Variants in UBR4 observed in about 807,000 individuals in gnomAD.
UBR4 encodes the protein ubiquitin protein ligase E3 component n-recognin 4.
Under a neutral mutation model 575.6 loss-of-function variants are expected in UBR4, and 124 were observed. The ratio of observed to expected loss-of-function variants is 0.22; its 90% CI spans 0.19 to 0.25. The LOEUF (loss-of-function observed/expected upper bound fraction) is 0.25, where lower values mean the gene tolerates loss of function less well. Among genes scored for constraint, UBR4 ranks in the 10% least tolerant of loss-of-function variants. The pLI is 1.00. For synonymous variants in UBR4, 2,455 were observed against 2,473.7 expected (o/e 0.99, Z 0.22); for missense variants, 4,818 against 6,478.8 (o/e 0.74, Z 8.80).
chr1:19,182,362 A>G (rs1006701729), intron 17 of UBR4, among the ~76,000 whole-genome samples: 3 of 150,384 alleles, frequency 2.0e-5, no homozygotes, highest in Non-Finnish European at 4.4e-5. Flanking sequence ...TTTTTGGCAG[A>G]TGGGGATCTT....
rs1157403872 is a variant in UBR4, at chr1:19,122,826, C to T, written c.9816+7G>A. 2.5e-6 allele frequency: 4 copies of T among 1,614,092 alleles called. No individual in the cohort carries two copies. The Admixed American group carries it at 5.0e-5, about 20-fold the overall frequency. ...CTCCCTGCCCTACCAGGTCCCAGCC[C>T]TCGTACCAGGCTGATGAGTGTGTCA... On this transcript the variant is annotated splice_region_variant and intron_variant, in intron 66 of 105. Coordinates refer to ENST00000375254, the MANE Select transcript of UBR4 (RefSeq NM_020765.3).
rs1557516984 is a variant in UBR4 at position 19,088,521 on chromosome 1, A to T, written c.14430+238T>A. On this transcript the variant is annotated intron_variant, in intron 98 of 105. Coordinates refer to ENST00000375254, the MANE Select transcript of UBR4 (RefSeq NM_020765.3). This position sits in a 1 kb window ranked among gnomAD's most constrained non-coding sequence, Gnocchi z 4.0. Reference sequence around the variant, plus strand: ...GCTTAAATAAGTCCTCAATAAACTTAATGGCTATTATCACTGGTTTACTGT... The same window carrying T: ...GCTTAAATAAGTCCTCAATAAACTTTATGGCTATTATCACTGGTTTACTGT... 6.6e-6 allele frequency among the ~76,000 whole-genome samples: 1 copy of T among 152,206 alleles called. No individual in the cohort carries two copies. Among genetic ancestry groups the T allele is most frequent in the South Asian group, 2.1e-4 (1 of 4,828 alleles).
At position 19,100,593 on chromosome 1, in the gene UBR4, G is replaced by T. The variant is rs1231353274; in HGVS notation, c.13024-20C>A. The T allele has an allele frequency of 1.9e-6, 3 of 1,612,492 alleles. No individual in the cohort carries two copies. Among genetic ancestry groups the T allele is most frequent in the Admixed American group, 1.7e-5 (1 of 60,014 alleles). ...CTCCTCCTGGAGGACAGACAGAAGGGTGCATCAGAAGGGATGGCAGAGGTG... is the reference window on the plus strand; with the variant it reads ...CTCCTCCTGGAGGACAGACAGAAGGTTGCATCAGAAGGGATGGCAGAGGTG... On this transcript the variant is annotated intron_variant, in intron 88 of 105. Transcript: ENST00000375254. This position sits in a 1 kb window ranked among gnomAD's most constrained non-coding sequence, Gnocchi z 4.2.
At chr1:19,143,842 G>A (rs1180756944) in intron 55 of UBR4, 138 bp downstream of exon 55, 1 of 637,888 alleles carries the variant, frequency 1.6e-6, no homozygotes, top group African/African-American at 1.8e-5. Context: ...ATGGGGTGAG[G>A]TAGGATTAGA....
rs1235388915 is a variant in UBR4 at position 19,127,718 on chromosome 1, G to A, written c.9133C>T (p.Arg3045Cys). Residue 3045 changes from arginine to cysteine, a missense_variant, in exon 63 of 106, where the codon CGC becomes TGC. This residue lies in a region of UBR4 where 550 missense variants were observed against 791.5 expected (regional missense o/e 0.69). Transcript: ENST00000375254. ...DKKDVSKKNERSALNEVHLVV... is the reference protein window; with the variant it reads ...DKKDVSKKNECSALNEVHLVV... ...AGATGGACTTCATTCAGGGCGCTGC[G>A]CTCATTCTTCTTGGAGACATCCTGC... is the stretch of plus-strand genomic sequence containing the variant. The A allele has an allele frequency of 6.2e-6, 10 of 1,614,080 alleles. No homozygotes were observed. The highest frequency in any genetic ancestry group is 5.0e-5 in the Admixed American group (3 of 60,016).
At position 19,117,270 on chromosome 1, in the gene UBR4, G is replaced by C. The variant is rs2080656192; in HGVS notation, c.10774C>G (p.Leu3592Val). 1.9e-6 allele frequency: 3 copies of C among 1,614,040 alleles called. No homozygotes were observed. Among genetic ancestry groups the C allele is most frequent in the Admixed American group, 1.7e-5 (1 of 60,008 alleles). Residue 3592 changes from leucine to valine, a missense_variant, in exon 73 of 106, where the codon CTG (leucine) becomes GTG (valine). Leu to Val is a conservative substitution (Grantham distance 32, BLOSUM62 1). Coordinates refer to ENST00000375254, the MANE Select transcript of UBR4 (RefSeq NM_020765.3). This position sits in a 1 kb window ranked among gnomAD's most constrained non-coding sequence, Gnocchi z 4.0. ...TGCACGGTTCGGTTGTTATAATACA[G>C]GTTGATGGTCCGCACCATCTTGGTC... ...KRTKMVRTIN[L>V]YYNNRTVQAI...
chr1:19,176,703 G>T lies in UBR4; in HGVS notation c.2662C>A (p.Pro888Thr), dbSNP rs1212490812. ...TGGGATCCACTTGCCCACCCAAAGG[G>T]AGGACTTAGCAGGTTATGCTGTACC... The part of the protein sequence containing the change: ...EQVQHNLLSP[P>T]FGWASGSQDS... The change falls in exon 20 of 106, where the codon CCC (proline) becomes ACC (threonine). Residue 888 changes from proline (P) to threonine (T), a missense_variant. Physicochemically the swap from Pro to Thr is conservative, Grantham distance 38. This residue lies in a region of UBR4 where 1,172 missense variants were observed against 1,259.7 expected (regional missense o/e 0.93). Transcript: ENST00000375254. The T allele has an allele frequency of 1.2e-6, 2 of 1,614,096 alleles. No homozygotes were observed. Among genetic ancestry groups the T allele is most frequent in the African/African-American group, 2.7e-5 (2 of 75,048 alleles).
intron 60 of UBR4, among the ~76,000 whole-genome samples, chr1:19,129,593 C>T (rs1557703332): frequency 6.6e-6 from 1 of 152,210 alleles, no homozygotes; most frequent in African/African-American, 2.4e-5. Flanking sequence ...CCTTGTCCAC[C>T]ATCTTCCTAA....
chr1:19,173,508 T>C lies in UBR4; in HGVS notation c.3096A>G (p.Glu1032=), dbSNP rs376095305. The C allele has an allele frequency of 1.2e-6, 2 of 1,614,176 alleles. No homozygotes were observed. Among genetic ancestry groups the C allele is most frequent in the Non-Finnish European group, 1.7e-6 (2 of 1,180,030 alleles). Residue 1032 remains glutamate, a synonymous_variant, in exon 23 of 106, where the codon GAA becomes GAG. Transcript: ENST00000375254. ...ATCGCAGAGTGTGCAAGATGTCACA[T>C]TCGCTCATCTCAGGTGAGTTCATGG... is the stretch of plus-strand genomic sequence containing the variant. ...QLSMNSPEMS[E]CDILHTLRWS...
chr1:19,203,999 C>T (rs2092878792), intron 1 of UBR4, among the ~76,000 whole-genome samples: 1 of 151,908 alleles, frequency 6.6e-6, no homozygotes, highest in South Asian at 2.1e-4. Context: ...TACTTCCAGC[C>T]TTATACTTTA....
At chr1:19,145,506 G>GACACACACACACACAC (rs1557773651) in intron 53 of UBR4, among the ~76,000 whole-genome samples, 2 of 43,378 alleles carry the variant, frequency 4.6e-5, no homozygotes, top group African/African-American at 8.8e-5. Context: ...ATAAACCACT[G>GACACACACACACACAC]AGACACACAC....
At position 19,112,787 on chromosome 1, in the gene UBR4, G is replaced by A. The variant is rs375956456; in HGVS notation, c.11538C>T (p.Ser3846=). The A allele has an allele frequency of 1.7e-5, 27 of 1,614,082 alleles. No homozygotes were observed. Among genetic ancestry groups the A allele is most frequent in the East Asian group, 4.5e-5 (2 of 44,888 alleles). Residue 3846 remains serine (S), a synonymous_variant, in exon 78 of 106, where the codon TCC becomes TCT. Transcript: ENST00000375254. ...GGCTGGCAGTGAATGTGGGCTGCAC[G>A]GAGGTCCGGGATGATTTAGTGGCTG... is the stretch of plus-strand genomic sequence containing the variant. The part of the protein sequence containing the change: ...REAATKSSRT[S]VQPTFTASQY...
Position 19,164,386 on chromosome 1 carries a change from T to C in UBR4, c.4567A>G (p.Thr1523Ala). Residue 1523 changes from threonine to alanine, a missense_variant, in exon 33 of 106, where the codon ACA becomes GCA. Thr to Ala is a moderately conservative substitution (Grantham distance 58). This residue lies in a region of UBR4 where 1,172 missense variants were observed against 1,259.7 expected (regional missense o/e 0.93). Coordinates refer to ENST00000375254, the MANE Select transcript of UBR4 (RefSeq NM_020765.3). ...CCATCACCGTTGGCCAGCATCTCTG[T>C]TGCCATGGGAGTCAGGGTGCCCAGA... ...VLLGTLTPMA[T>A]EMLANGDGTG... 6.2e-7 allele frequency: 1 copy of C among 1,614,192 alleles called. No individual in the cohort carries two copies. The highest frequency in any genetic ancestry group is 8.5e-7 in the Non-Finnish European group (1 of 1,180,022).
chr1:19,199,300 C>T (rs2092629680), intron 3 of UBR4, among the ~76,000 whole-genome samples: 1 of 152,214 alleles, frequency 6.6e-6, no homozygotes, highest in Non-Finnish European at 1.5e-5. Flanking sequence ...ACACTTTACT[C>T]ATTTTCTGTT....
Position 19,161,026 on chromosome 1 carries a change from T to A in UBR4, c.5297A>T (p.Asp1766Val). The change falls in exon 38 of 106, where the codon GAC becomes GTC. Residue 1766 changes from aspartate to valine, a missense_variant. Physicochemically the swap from Asp to Val is radical, Grantham distance 152. Transcript: ENST00000375254. ...ATCACTGATGGTAACCTTGGCTTTG[T>A]CAGCTGGCGAGGAGGTGCTGGCATG... is the stretch of plus-strand genomic sequence containing the variant. ...VRHASTSSPA[D>V]KAKVTISDGK... 6.2e-7 allele frequency: 1 copy of A among 1,614,158 alleles called. No homozygotes were observed. Among genetic ancestry groups the A allele is most frequent in the Non-Finnish European group, 8.5e-7 (1 of 1,180,028 alleles).
intron 55 of UBR4, among the ~76,000 whole-genome samples, chr1:19,143,264 AAG>A (rs1469157909): frequency 1.1e-4 from 5 of 45,186 alleles, no homozygotes; most frequent in African/African-American, 3.6e-4. Flanking sequence ...GGAAGGAAGA[AAG>A]AAAGAAAGAA....
At chr1:19,081,205 G>T in intron 103 of UBR4, 144 bp downstream of exon 103, 1 of 734,140 alleles carries the variant, frequency 1.4e-6, no homozygotes, top group Admixed American at 2.7e-5. Flanking sequence ...CTCTTGACAT[G>T]ACAGACTGAG....
At chr1:19,147,072 A>G (rs1557781584) in intron 51 of UBR4, 72 bp from the exon 52 acceptor site, 1 of 1,478,946 alleles carries the variant, frequency 6.8e-7, no homozygotes, top group Non-Finnish European at 9.0e-7. Context: ...AGGAGAGAAA[A>G]GCTGGCAGAT....
In UBR4 at chr1:19,093,166, G is replaced by T; in HGVS notation, c.14111+147C>A. 1 of 1,146,602 alleles carries T rather than the reference G, an allele frequency of 8.7e-7. No homozygotes were observed. The highest frequency in any genetic ancestry group is 1.2e-6 in the Non-Finnish European group (1 of 800,524). The allele number at this position is 1,146,602 out of a possible 1,614,324, so 71.0% of individuals were successfully genotyped here. ...CCGAGGACTCTGCAGTGGTTGAATG[G>T]TCACCCACATAGTTTCCAGAAGCGG... On this transcript the variant is annotated intron_variant, in intron 96 of 105. Coordinates refer to ENST00000375254, the MANE Select transcript of UBR4 (RefSeq NM_020765.3). The surrounding 1 kb of genome is among the most constrained non-coding windows in gnomAD (Gnocchi z 4.8).
Sources: gnomAD v4.1 joint callset for allele counts (sites outside exome capture counted in the v4.1 genomes callset) on GRCh38, gnomAD v4.1.1 for gene constraint, gnomAD v4.1.1 regional missense constraint, Gnocchi (gnomAD v3.1) non-coding constraint, MANE v1.5 for transcripts, NCBI Gene and HGNC (gene_info 2026-07-23, HGNC 2026-07-21) for gene names.